The following AP3B1 variants were observed in gnomAD, a reference collection of about 807,000 sequenced individuals.
AP3B1 encodes the protein AP-3 complex subunit beta-1.
AP3B1 carries 61 observed loss-of-function variants against 132.5 expected under a neutral mutation model. The ratio of observed to expected loss-of-function variants is 0.46; its 90% CI spans 0.37 to 0.57. The LOEUF is 0.57. Ranked by LOEUF, AP3B1 falls within the 20% of genes least tolerant of loss-of-function variation. The pLI, the probability that AP3B1 is intolerant of heterozygous loss-of-function variation, is 0.00. For missense variants in AP3B1, 1,120 were observed against 1,289.4 expected (o/e 0.87, Z 2.01); for synonymous variants, 388 against 438.3 (o/e 0.89, Z 1.43).
At chr5:78,097,484 C>T (rs1750903542) in intron 21 of AP3B1, among the ~76,000 whole-genome samples, 2 of 130,260 alleles carry the variant, frequency 1.5e-5, no homozygotes. Flanking sequence ...TCTGCCCGGC[C>T]AGCCGCCCCG....
chr5:78,207,056 G>A (rs139783263), intron 7 of AP3B1, among the ~76,000 whole-genome samples: 7 of 152,044 alleles, frequency 4.6e-5, no homozygotes, highest in Admixed American at 6.6e-5. Context: ...TCAGGAGTTC[G>A]AAACCAACCT....
chr5:78,235,227 C>T (rs1264391226), intron 3 of AP3B1, among the ~76,000 whole-genome samples: 1 of 152,172 alleles, frequency 6.6e-6, no homozygotes, highest in Admixed American at 6.5e-5. Flanking sequence ...TCTCACTCTA[C>T]AGTTCTCTGG....
intron 21 of AP3B1, among the ~76,000 whole-genome samples, chr5:78,097,096 T>C (rs1368991256): frequency 2.7e-5 from 3 of 111,534 alleles, no homozygotes; most frequent in Non-Finnish European, 3.8e-5. Context: ...AGCCGCCCCG[T>C]CCGGGAGGGA....
intron 7 of AP3B1, among the ~76,000 whole-genome samples, chr5:78,209,208 T>C (rs1282657020): frequency 6.6e-6 from 1 of 152,060 alleles, no homozygotes; most frequent in East Asian, 1.9e-4. Flanking sequence ...GTTCAGACCA[T>C]GATAGGAAGG....
At chr5:78,032,133 T>C (rs1037858363) in intron 24 of AP3B1, among the ~76,000 whole-genome samples, 1 of 152,228 alleles carries the variant, frequency 6.6e-6, no homozygotes, top group Non-Finnish European at 1.5e-5. Context: ...ACTACATGGC[T>C]TAATTTAACA....
chr5:78,131,174 C>T (rs1752671624), intron 15 of AP3B1, among the ~76,000 whole-genome samples: 1 of 151,724 alleles, frequency 6.6e-6, no homozygotes, highest in South Asian at 2.1e-4. Flanking sequence ...CATTTACATA[C>T]ATTAATCAGT....
At position 78,086,589 on chromosome 5, in the gene AP3B1, A is replaced by G. The variant is rs145416591; in HGVS notation, c.2577+2804T>C. Among the ~76,000 whole-genome samples, 349 of 152,284 alleles carry G rather than the reference A, an allele frequency of 2.3e-3. 1 individual carries two copies. Among genetic ancestry groups the G allele is most frequent in the Non-Finnish European group, 3.8e-3 (261 of 68,004 alleles). Reference sequence around the variant, plus strand: ...ATAATGCTTTGACGTTTACAACTAGAACACAACCGGAGGGAGGGACAGTAA... The same window carrying G: ...ATAATGCTTTGACGTTTACAACTAGGACACAACCGGAGGGAGGGACAGTAA... On this transcript the variant is annotated intron_variant, in intron 22 of 26. Coordinates refer to ENST00000255194, the MANE Select transcript of AP3B1 (RefSeq NM_003664.5).
chr5:78,214,476 A>G (rs1745876276), intron 7 of AP3B1, among the ~76,000 whole-genome samples: 1 of 152,224 alleles, frequency 6.6e-6, no homozygotes, highest in Non-Finnish European at 1.5e-5. Context: ...TTTTAACTCC[A>G]GTTTCTATAT....
rs114848081 is a variant in AP3B1, at chr5:78,054,030, A to G, written c.2578-14756T>C. Among the ~76,000 whole-genome samples, 678 of 152,284 alleles carry G rather than the reference A, an allele frequency of 4.5e-3. 4 individuals carry two copies. Among genetic ancestry groups the G allele is most frequent in the African/African-American group, 0.015 (631 of 41,544 alleles). On this transcript the variant is annotated intron_variant, in intron 22 of 26. Coordinates refer to ENST00000255194, the MANE Select transcript of AP3B1 (RefSeq NM_003664.5). ...AGTTACTGAAGCTGAAGGGATCTCA[A>G]TTTTCAAGTCTGTGAAATGGGGACA...
At chr5:78,176,248 G>C (rs1744143727) in intron 9 of AP3B1, among the ~76,000 whole-genome samples, 1 of 151,580 alleles carries the variant, frequency 6.6e-6, no homozygotes, top group South Asian at 2.1e-4. Flanking sequence ...GTTATTTTTA[G>C]ACCCAAATAT....
intron 13 of AP3B1, among the ~76,000 whole-genome samples, chr5:78,159,076 C>T (rs993172963): frequency 6.6e-6 from 1 of 152,270 alleles, no homozygotes; most frequent in South Asian, 2.1e-4. Context: ...AGATTCTGCC[C>T]TCATCAAACT....
chr5:78,271,361 C>T (rs1052538384), intron 1 of AP3B1, among the ~76,000 whole-genome samples: 10 of 152,150 alleles, frequency 6.6e-5, no homozygotes, highest in Admixed American at 2.0e-4. Flanking sequence ...GTGGAGGTTG[C>T]AGTGAGCCGA....
chr5:78,220,669 G>C (rs960794517), intron 6 of AP3B1, among the ~76,000 whole-genome samples: 5 of 151,604 alleles, frequency 3.3e-5, no homozygotes, highest in Middle Eastern at 3.2e-3. Context: ...GTGTAGAAAG[G>C]GAAAGTTTCA....
chr5:78,195,958 T>C lies in AP3B1; in HGVS notation c.787-14296A>G, dbSNP rs546025895. ...TTAGAGGTTAACATAGGAATCTAGA[T>C]GACCTTGGGTATGGCAACTTTTAGA... On this transcript the variant is annotated intron_variant, in intron 7 of 26. Transcript: ENST00000255194. Among the ~76,000 whole-genome samples, 9 of 152,322 alleles carry C rather than the reference T, an allele frequency of 5.9e-5. No homozygotes were observed. In the East Asian group the frequency reaches 1.5e-3, roughly 26 times the overall value.
intron 7 of AP3B1, among the ~76,000 whole-genome samples, chr5:78,183,342 T>C (rs996871273): frequency 2.0e-5 from 3 of 152,114 alleles, no homozygotes; most frequent in African/African-American, 7.2e-5. Flanking sequence ...TTTAAAAATA[T>C]CCAGTCTCAA....
chr5:78,129,237 G>A lies in AP3B1; in HGVS notation c.1721C>T (p.Thr574Ile). The A allele has an allele frequency of 1.4e-5, 23 of 1,613,260 alleles. No homozygotes were observed. The highest frequency in any genetic ancestry group is 2.0e-5 in the Non-Finnish European group (23 of 1,179,384). ...AACAATAAGCTGCCTAATAAATCTT[G>A]TACGGTCTCTGATGTCGTAGTTTTG... ...YDQNYDIRDR[T>I]RFIRQLIVPN... Residue 574 changes from threonine (T) to isoleucine (I), a missense_variant, in exon 16 of 27, where the codon ACA becomes ATA. Physicochemically the swap from Thr to Ile is moderately conservative, Grantham distance 89. Transcript: ENST00000255194.
intron 22 of AP3B1, among the ~76,000 whole-genome samples, chr5:78,058,755 C>T (rs1748923411): frequency 1.3e-5 from 2 of 152,220 alleles, no homozygotes; most frequent in African/African-American, 4.8e-5. Context: ...TGCATCTGAA[C>T]TCTATGACTA....
intron 22 of AP3B1, among the ~76,000 whole-genome samples, chr5:78,045,757 T>G (rs1467436008): frequency 6.6e-6 from 1 of 152,094 alleles, no homozygotes; most frequent in African/African-American, 2.4e-5. Context: ...TTTTATTAGA[T>G]GCAAAAAAAG....
chr5:78,166,158 C>G (rs1743619030), intron 11 of AP3B1, among the ~76,000 whole-genome samples: 1 of 126,186 alleles, frequency 7.9e-6, no homozygotes, highest in African/African-American at 2.6e-5. Flanking sequence ...CACACACACA[C>G]ACACACACAC....
Sources: gnomAD v4.1 joint callset for allele counts (sites outside exome capture counted in the v4.1 genomes callset) on GRCh38, gnomAD v4.1.1 for gene constraint, MANE v1.5 for transcripts, NCBI Gene and HGNC (gene_info 2026-07-23, HGNC 2026-07-21) for gene names.